The following FOXN1 variants were observed in gnomAD, a reference collection of about 807,000 sequenced individuals.
FOXN1 encodes forkhead box N1, also known as forkhead box protein N1.
Under a neutral mutation model 49.0 loss-of-function variants are expected in FOXN1, and 15 were observed. The observed-to-expected ratio is 0.31, with a 90% CI of 0.20 to 0.47. FOXN1 has a LOEUF of 0.47. Among genes scored for constraint, FOXN1 ranks in the 20% least tolerant of loss-of-function variants. The pLI, the probability that FOXN1 is intolerant of heterozygous loss-of-function variation, is 1.00. For missense variants in FOXN1, 800 were observed against 842.8 expected, an observed-to-expected ratio of 0.95 and a Z score of 0.63; for synonymous variants, 356 against 369.0, an observed-to-expected ratio of 0.96 and a Z score of 0.40.
At chr17:28,524,348 C>T (rs2069712968) in intron 2 of FOXN1, among the ~76,000 whole-genome samples, 155 bp from the exon 3 acceptor site, 2 of 11,444 alleles carry the variant, frequency 1.7e-4, no homozygotes, top group Admixed American at 2.5e-3. Flanking sequence ...CTCATGAAAT[C>T]GGGGCCAAGG....
In FOXN1 at chr17:28,524,764, C is replaced by A; in HGVS notation, c.385C>A (p.Pro129Thr). 1 of 1,613,342 alleles carries A rather than the reference C, an allele frequency of 6.2e-7. No individual in the cohort carries two copies. Among genetic ancestry groups the A allele is most frequent in the African/African-American group, 1.3e-5 (1 of 74,932 alleles). ...SHAPFHPYKR[P>T]FHEDVFPEAE... ...CGCGCCCTTCCACCCGTACAAGCGG[C>A]CTTTCCATGAGGACGTCTTCCCAGA... The change falls in exon 3 of 9, where the codon CCT (proline) becomes ACT (threonine). Residue 129 changes from proline to threonine, a missense_variant. Physicochemically the swap from Pro to Thr is conservative, Grantham distance 38. This residue lies in a region of FOXN1 where 383 missense variants were observed against 357.9 expected (regional missense o/e 1.07). Transcript: ENST00000579795.
intron 2 of FOXN1, among the ~76,000 whole-genome samples, 187 bp downstream of exon 2, chr17:28,524,279 G>A (rs1286331469): frequency 1.3e-5 from 2 of 152,170 alleles, no homozygotes; most frequent in African/African-American, 4.8e-5. Context: ...GTCTGAGCCT[G>A]TCCCAGGGCT....
chr17:28,529,312 C>T, intron 5 of FOXN1, 88 bp downstream of exon 5: 3 of 1,493,124 alleles, frequency 2.0e-6, no homozygotes, highest in East Asian at 4.5e-5. Context: ...CTGGGTCTAC[C>T]AGTAATGGCA....
At chr17:28,527,551 T>C (rs2069802270) in intron 4 of FOXN1, among the ~76,000 whole-genome samples, 190 bp downstream of exon 4, 1 of 152,130 alleles carries the variant, frequency 6.6e-6, no homozygotes, top group Admixed American at 6.5e-5. Flanking sequence ...GCAATTGCCC[T>C]CCTCCAGGGG....
At position 28,534,627 on chromosome 17, in the gene FOXN1, C is replaced by T; in HGVS notation, c.1136-80C>T. 8.1e-6 allele frequency: 13 copies of T among 1,602,126 alleles called. No homozygotes were observed. The highest frequency in any genetic ancestry group is 1.1e-5 in the Non-Finnish European group (13 of 1,175,066). On this transcript the variant is annotated intron_variant, in intron 7 of 8. Transcript: ENST00000579795. The surrounding 1 kb of genome is among the most constrained non-coding windows in gnomAD (Gnocchi z 4.1). Reference sequence around the variant, plus strand: ...GAGAGAATCAGAGAATGAGGCAAGGCCCCGAGTAAGGGTTCCAGTCTGGGG... The same window carrying T: ...GAGAGAATCAGAGAATGAGGCAAGGTCCCGAGTAAGGGTTCCAGTCTGGGG...
chr17:28,511,704 C>A (rs1339603824), intron 1 of FOXN1, among the ~76,000 whole-genome samples: 2 of 151,990 alleles, frequency 1.3e-5, no homozygotes, highest in East Asian at 1.9e-4. Context: ...AAGGAGGGAA[C>A]AAGGTTTATT....
chr17:28,513,163 GGAGGCT>G (rs1289284573), intron 1 of FOXN1, among the ~76,000 whole-genome samples: 3 of 152,128 alleles, frequency 2.0e-5, no homozygotes, highest in Non-Finnish European at 4.4e-5. Context: ...CAGCTTCTTG[GGAGGCT>G]GAGGCAGGAG....
chr17:28,512,918 A>G (rs2069423097), intron 1 of FOXN1, among the ~76,000 whole-genome samples: 1 of 152,170 alleles, frequency 6.6e-6, no homozygotes, highest in South Asian at 2.1e-4. Context: ...AGTAGGAAGA[A>G]CCCAGTAGGG....
intron 1 of FOXN1, among the ~76,000 whole-genome samples, chr17:28,515,457 G>A (rs2069475210): frequency 6.6e-6 from 1 of 151,720 alleles, no homozygotes; most frequent in Non-Finnish European, 1.5e-5. Flanking sequence ...TACCTCCACA[G>A]GTGAACACAC....
chr17:28,530,744 T>C lies in FOXN1; in HGVS notation c.831-5T>C, dbSNP rs1199016777. 8.3e-6 allele frequency: 13 copies of C among 1,575,214 alleles called. No homozygotes were observed. The highest frequency in any genetic ancestry group is 1.1e-5 in the Non-Finnish European group (13 of 1,144,674). On this transcript the variant is annotated splice_region_variant and splice_polypyrimidine_tract_variant and intron_variant, in intron 5 of 8. Transcript: ENST00000579795. ...CGGACTCTCAGGGGCTTTCTCTTTC[T>C]TCAGCATCCTCATCTTCATGGCCCT...
intron 1 of FOXN1, among the ~76,000 whole-genome samples, chr17:28,520,751 C>T (rs76094344): frequency 0.19 from 28,978 of 152,128 alleles, 2,898 homozygotes; most frequent in Middle Eastern, 0.24. Flanking sequence ...GCCGACACTG[C>T]GGGGATCATT....
intron 1 of FOXN1, among the ~76,000 whole-genome samples, chr17:28,510,813 C>T (rs1415975657): frequency 2.6e-5 from 4 of 152,140 alleles, no homozygotes; most frequent in Admixed American, 1.3e-4. Context: ...TGTGCCTTCC[C>T]GCAAGCGTGG....
In FOXN1 at chr17:28,524,634, C is replaced by A; in HGVS notation, c.255C>A (p.Gly85=). ...AAGTCCAGGGCCACTGCCCAGCCGG[C>A]CCCGGCCCTGGGCCCTTCAGGCTCT... ...PEQVQGHCPA[G]PGPGPFRLSP... Residue 85 remains glycine (G), a synonymous_variant, in exon 3 of 9, where the codon GGC becomes GGA. Transcript: ENST00000579795. 1 of 1,613,688 alleles carries A rather than the reference C, an allele frequency of 6.2e-7. No individual in the cohort carries two copies. The highest frequency in any genetic ancestry group is 8.5e-7 in the Non-Finnish European group (1 of 1,179,960).
intron 1 of FOXN1, among the ~76,000 whole-genome samples, chr17:28,512,509 G>A (rs572019316): frequency 1.3e-5 from 2 of 152,222 alleles, no homozygotes; most frequent in African/African-American, 2.4e-5. Flanking sequence ...GGTGAGCACC[G>A]TGGCATGCAC....
intron 1 of FOXN1, among the ~76,000 whole-genome samples, chr17:28,521,772 C>T (rs1260125946): frequency 6.6e-6 from 1 of 152,210 alleles, no homozygotes; most frequent in African/African-American, 2.4e-5. Flanking sequence ...CAAATTGCCT[C>T]CCCTCATTTT....
chr17:28,522,756 T>G (rs562291034), intron 1 of FOXN1, among the ~76,000 whole-genome samples: 1 of 151,926 alleles, frequency 6.6e-6, no homozygotes, highest in Admixed American at 6.6e-5. Flanking sequence ...GAGAGTTGCT[T>G]GAACCCGGGA....
At chr17:28,537,044 G>T in intron 8 of FOXN1, 73 bp from the exon 9 acceptor site, 2 of 1,133,474 alleles carry the variant, frequency 1.8e-6, no homozygotes, top group Non-Finnish European at 2.7e-6. Flanking sequence ...TGTGAAGATT[G>T]ACAGGGAGGA....
Position 28,537,638 on chromosome 17 carries a change from G to A in FOXN1, c.*202G>A. ...TGCCTCTCACACATTTCTGCCACGT[G>A]GTGGCCCAGCTCCTCACCCAGGGCC... On this transcript the variant is annotated 3_prime_UTR_variant, in exon 9 of 9. Coordinates refer to ENST00000579795, the MANE Select transcript of FOXN1 (RefSeq NM_001369369.1). 2 of 634,752 alleles carry A rather than the reference G, an allele frequency of 3.2e-6. No individual in the cohort carries two copies. The highest frequency in any genetic ancestry group is 2.9e-6 in the Non-Finnish European group (1 of 349,078). The allele number at this position is 634,752 out of a possible 1,614,324, so 39.3% of individuals were successfully genotyped here.
At chr17:28,508,507 T>C (rs1352674365) in intron 1 of FOXN1, among the ~76,000 whole-genome samples, 1 of 152,100 alleles carries the variant, frequency 6.6e-6, no homozygotes, top group Non-Finnish European at 1.5e-5. Flanking sequence ...TTCCTTGGAC[T>C]CTTCACCTTC....
Sources: gnomAD v4.1 joint callset for allele counts (sites outside exome capture counted in the v4.1 genomes callset) on GRCh38, gnomAD v4.1.1 for gene constraint, gnomAD v4.1.1 regional missense constraint, Gnocchi (gnomAD v3.1) non-coding constraint, MANE v1.5 for transcripts, NCBI Gene and HGNC (gene_info 2026-07-23, HGNC 2026-07-21) for gene names.